Variants in CDK8 observed in about 807,000 individuals in gnomAD.
CDK8 encodes the protein cyclin dependent kinase 8.
A neutral mutation model predicts 71.5 loss-of-function variants in CDK8; 29 were observed. That is an observed-to-expected ratio of 0.41 (90% CI 0.30 to 0.55). The LOEUF is 0.55. Among genes scored for constraint, CDK8 ranks in the 20% least tolerant of loss-of-function variants. CDK8 has a pLI of 0.37. For synonymous variants in CDK8, 161 were observed against 192.1 expected, an observed-to-expected ratio of 0.84 and a Z score of 1.34; for missense variants, 288 against 572.6, an observed-to-expected ratio of 0.50 and a Z score of 5.07.
chr13:26,353,776 A>G lies in CDK8; in HGVS notation c.352A>G (p.Lys118Glu). ...IKFHRASKANKKPVQLPRGMV... is the reference protein window; with the variant it reads ...IKFHRASKANEKPVQLPRGMV... ...GTTTCACAGAGCTTCTAAAGCAAAC[A>G]AGAAGCCAGTTCAGTTACCTCGGGG... Residue 118 changes from lysine to glutamate, a missense_variant, in exon 4 of 13, where the codon AAG becomes GAG. Lys to Glu is a moderately conservative substitution (Grantham distance 56). Coordinates refer to ENST00000381527, the MANE Select transcript of CDK8 (RefSeq NM_001260.3). 1 of 1,613,222 alleles carries G rather than the reference A, an allele frequency of 6.2e-7. No individual in the cohort carries two copies. Among genetic ancestry groups the G allele is most frequent in the East Asian group, 2.2e-5 (1 of 44,800 alleles).
In CDK8 at chr13:26,401,041, C is replaced by T. The variant is rs1270865289; in HGVS notation, c.1032-228C>T. ...TAAAAGAAGAAAGCTGAATCATACTCGATGATTATTGATCATTTGTATACA... is the reference window on the plus strand; with the variant it reads ...TAAAAGAAGAAAGCTGAATCATACTTGATGATTATTGATCATTTGTATACA... On this transcript the variant is annotated intron_variant, in intron 10 of 12. Transcript: ENST00000381527. This position sits in a 1 kb window ranked among gnomAD's most constrained non-coding sequence, Gnocchi z 4.5. Among the ~76,000 whole-genome samples the T allele has an allele frequency of 2.0e-5, 3 of 152,112 alleles. No homozygotes were observed. Among genetic ancestry groups the T allele is most frequent in the Non-Finnish European group, 2.9e-5 (2 of 68,018 alleles).
intron 1 of CDK8, among the ~76,000 whole-genome samples, chr13:26,316,950 ACAAAC>A (rs1209856720): frequency 1.3e-5 from 2 of 152,216 alleles, no homozygotes; most frequent in African/African-American, 4.8e-5. Flanking sequence ...GAAAGTAAAA[ACAAAC>A]CAAAAACAAC....
intron 4 of CDK8, among the ~76,000 whole-genome samples, chr13:26,355,153 C>G (rs1261223381): frequency 6.6e-6 from 1 of 152,218 alleles, no homozygotes; most frequent in Non-Finnish European, 1.5e-5. Flanking sequence ...CTTCTTTCTT[C>G]TAGCTTTAGG....
intron 2 of CDK8, among the ~76,000 whole-genome samples, chr13:26,339,756 A>ATATATATATATATATATATATATAT (rs57119146): frequency 1.4e-5 from 2 of 142,996 alleles, no homozygotes; most frequent in African/African-American, 5.1e-5. Context: ...TTAAAAAAAA[A>ATATATATATATATATATATATATAT]ATATATATAT....
At chr13:26,339,752 A>T (rs1160235230) in intron 2 of CDK8, among the ~76,000 whole-genome samples, 1,562 of 41,862 alleles carry the variant, frequency 0.037, 34 homozygotes, top group African/African-American at 0.076. Context: ...TTACTTAAAA[A>T]AAAAATATAT....
At chr13:26,346,304 GC>G (rs1241665902) in intron 2 of CDK8, among the ~76,000 whole-genome samples, 17 of 152,156 alleles carry the variant, frequency 1.1e-4, no homozygotes, top group Non-Finnish European at 1.5e-5. Context: ...TCAAATTGTT[GC>G]TGCAGTGTTT....
chr13:26,308,857 T>C (rs956610462), intron 1 of CDK8, among the ~76,000 whole-genome samples: 5 of 152,184 alleles, frequency 3.3e-5, no homozygotes, highest in African/African-American at 1.2e-4. Flanking sequence ...TGTAAACCCA[T>C]TGAACACTTA....
intron 2 of CDK8, among the ~76,000 whole-genome samples, chr13:26,347,284 C>A (rs975834516): frequency 1.3e-5 from 2 of 152,130 alleles, no homozygotes; most frequent in African/African-American, 4.8e-5. Context: ...TGAAAAGTTA[C>A]AAAATTTTAA....
chr13:26,328,175 A>G (rs1875111502), intron 1 of CDK8, among the ~76,000 whole-genome samples: 1 of 152,156 alleles, frequency 6.6e-6, no homozygotes, highest in South Asian at 2.1e-4. Flanking sequence ...AATAATCATC[A>G]TACCTCAGCA....
chr13:26,298,264 G>A lies in CDK8; in HGVS notation c.129-39303G>A, dbSNP rs529281772. Among the ~76,000 whole-genome samples the A allele has an allele frequency of 2.0e-5, 3 of 152,118 alleles. No individual in the cohort carries two copies. In the East Asian group the frequency reaches 5.8e-4, roughly 29 times the overall value. On this transcript the variant is annotated intron_variant, in intron 1 of 12. Coordinates refer to ENST00000381527, the MANE Select transcript of CDK8 (RefSeq NM_001260.3). The stretch of plus-strand genomic sequence containing the variant: ...TCAGAGGTAATATTTCTAGGTATGT[G>A]GGCAAGCCTGTACTAAGTAATTATT...
rs553508554 is a variant in CDK8, at chr13:26,361,784, C to CTTTTTTTTTTTTTTTTT, written c.456+7917_456+7933dup. On this transcript the variant is annotated intron_variant, in intron 4 of 12. Coordinates refer to ENST00000381527, the MANE Select transcript of CDK8 (RefSeq NM_001260.3). Reference sequence around the variant, plus strand: ...TCTTTTTGTCTTTCTTTTCTTTTCCCTTTTTTTTTTTTTTTTTTTTTTTTT... The same window carrying CTTTTTTTTTTTTTTTTT: ...TCTTTTTGTCTTTCTTTTCTTTTCCCTTTTTTTTTTTTTTTTTTTTTTTTTTTTTTTTTTTTTTTTTT... Among the ~76,000 whole-genome samples the CTTTTTTTTTTTTTTTTT allele has an allele frequency of 2.5e-4, 16 of 63,344 alleles. 2 individuals carry two copies. The highest frequency in any genetic ancestry group is 7.7e-4 in the African/African-American group (11 of 14,234). 41.6% of individuals were successfully genotyped at this position (63,344 alleles called of 152,430 possible). A position where few individuals can be genotyped will look rare whatever the true frequency, so the allele number is the denominator to read the frequency against.
At chr13:26,369,448 C>CAAAAAA (rs1162252506) in intron 4 of CDK8, among the ~76,000 whole-genome samples, 2 of 46,650 alleles carry the variant, frequency 4.3e-5, no homozygotes, top group African/African-American at 8.9e-5. Flanking sequence ...GACCCTGTCT[C>CAAAAAA]AAAAAAAAAA....
At chr13:26,336,550 C>CTTTTTTT (rs1227344754) in intron 1 of CDK8, among the ~76,000 whole-genome samples, 39 of 121,182 alleles carry the variant, frequency 3.2e-4, no homozygotes, top group South Asian at 8.2e-4. Context: ...TCTGAGGAGT[C>CTTTTTTT]TTTTTTTTTT....
At chr13:26,273,089 T>G (rs1872404756) in intron 1 of CDK8, among the ~76,000 whole-genome samples, 1 of 152,214 alleles carries the variant, frequency 6.6e-6, no homozygotes, top group Non-Finnish European at 1.5e-5. Flanking sequence ...CTAAGAGTTT[T>G]ATAGTTGTAA....
chr13:26,366,708 C>T (rs1275455537), intron 4 of CDK8, among the ~76,000 whole-genome samples: 1 of 152,086 alleles, frequency 6.6e-6, no homozygotes, highest in African/African-American at 2.4e-5. Flanking sequence ...TTCTAATTTC[C>T]AGTCTTTTCA....
At chr13:26,339,875 T>G (rs981621545) in intron 2 of CDK8, among the ~76,000 whole-genome samples, 7 of 150,870 alleles carry the variant, frequency 4.6e-5, no homozygotes, top group African/African-American at 2.4e-5. Flanking sequence ...ATAGGGATAC[T>G]TTTACTTTTT....
At chr13:26,325,041 G>A (rs1220241955) in intron 1 of CDK8, among the ~76,000 whole-genome samples, 2 of 152,096 alleles carry the variant, frequency 1.3e-5, no homozygotes, top group African/African-American at 2.4e-5. Context: ...TCATTGCTAG[G>A]TTTACAAGAA....
intron 1 of CDK8, among the ~76,000 whole-genome samples, chr13:26,301,927 T>C (rs184416352): frequency 5.9e-5 from 9 of 152,350 alleles, no homozygotes; most frequent in African/African-American, 2.2e-4. Flanking sequence ...GTAGTCAGTC[T>C]GTGGGGCTAT....
In CDK8 at chr13:26,272,702, C is replaced by T. The variant is rs144081287; in HGVS notation, c.128+17933C>T. Among the ~76,000 whole-genome samples, 187 of 152,212 alleles carry T rather than the reference C, an allele frequency of 1.2e-3. 3 individuals carry two copies. In the East Asian group the frequency reaches 0.028, roughly 23 times the overall value. On this transcript the variant is annotated intron_variant, in intron 1 of 12. Coordinates refer to ENST00000381527, the MANE Select transcript of CDK8 (RefSeq NM_001260.3). ...ATCAAGTATTATGTAGTGTACATAACGGTATGTGCTATACATGACGGGCAG... is the reference window on the plus strand; with the variant it reads ...ATCAAGTATTATGTAGTGTACATAATGGTATGTGCTATACATGACGGGCAG...
Sources: allele counts gnomAD v4.1 joint callset (sites outside exome capture counted in the v4.1 genomes callset), GRCh38; gene constraint gnomAD v4.1.1; non-coding constraint Gnocchi (gnomAD v3.1); transcripts MANE v1.5; gene names NCBI Gene and HGNC (gene_info 2026-07-23, HGNC 2026-07-21).